RNF4: variants seen among roughly 807,000 people sequenced by gnomAD.
The protein encoded by RNF4 is ring finger protein 4, also known as E3 ubiquitin-protein ligase RNF4.
RNF4 carries 7 observed loss-of-function variants against 24.3 expected under a neutral mutation model. That is an observed-to-expected ratio of 0.29 (90% CI 0.16 to 0.54). The LOEUF is 0.54. Ranked by LOEUF, RNF4 falls within the 20% of genes least tolerant of loss-of-function variation. The pLI, the probability that RNF4 is intolerant of heterozygous loss-of-function variation, is 0.95. For missense variants in RNF4, 209 were observed against 248.5 expected (o/e 0.84, Z 1.07); for synonymous variants, 83 against 84.3 (o/e 0.98, Z 0.09).
chr4:2,473,963 C>T (rs952665673), intron 1 of RNF4, among the ~76,000 whole-genome samples: 1 of 152,156 alleles, frequency 6.6e-6, no homozygotes, highest in African/African-American at 2.4e-5. Flanking sequence ...GCATAGTAAT[C>T]CCGGCCACTC....
At chr4:2,489,225 A>C (rs914788441) in intron 1 of RNF4, among the ~76,000 whole-genome samples, 1 of 152,186 alleles carries the variant, frequency 6.6e-6, no homozygotes, top group Non-Finnish European at 1.5e-5. Context: ...GGAGCCAGGG[A>C]AAGTTGCTGC....
intron 3 of RNF4, among the ~76,000 whole-genome samples, chr4:2,498,604 C>G (rs1204868970): frequency 2.0e-5 from 3 of 152,122 alleles, no homozygotes; most frequent in Non-Finnish European, 4.4e-5. Context: ...ATAAAGAATG[C>G]AATAATTTTA....
intron 1 of RNF4, among the ~76,000 whole-genome samples, chr4:2,471,268 C>G (rs534651520): frequency 1.1e-3 from 160 of 152,280 alleles, no homozygotes; most frequent in African/African-American, 3.5e-3. Context: ...TGCCCAGCCC[C>G]AAACCTTTTC....
intron 4 of RNF4, among the ~76,000 whole-genome samples, chr4:2,508,768 A>G (rs1296096603): frequency 6.6e-6 from 1 of 151,554 alleles, no homozygotes; most frequent in Non-Finnish European, 1.5e-5. Context: ...GAGCCACCAC[A>G]TGCCCGGCTA....
chr4:2,505,486 C>G (rs529343474), intron 4 of RNF4: 1 of 151,406 alleles, frequency 6.6e-6, no homozygotes, highest in Admixed American at 6.6e-5. Context: ...CCACCACACC[C>G]GGCTAATTTT....
intron 1 of RNF4, among the ~76,000 whole-genome samples, chr4:2,487,527 C>CAG (rs1385412390): frequency 1.3e-5 from 2 of 152,240 alleles, no homozygotes; most frequent in African/African-American, 4.8e-5. Flanking sequence ...CTCAAGTGAT[C>CAG]TGCCTGCCTC....
intron 4 of RNF4, 111 bp downstream of exon 4, chr4:2,500,849 AAAG>A: frequency 1.1e-6 from 1 of 932,560 alleles, no homozygotes; most frequent in South Asian, 1.4e-5. Flanking sequence ...AGCTTATGCT[AAAG>A]AAGTTCATGC....
chr4:2,471,310 A>G (rs922143772), intron 1 of RNF4, among the ~76,000 whole-genome samples: 2 of 152,266 alleles, frequency 1.3e-5, no homozygotes, highest in South Asian at 2.1e-4. Flanking sequence ...ACCTGTGATC[A>G]ATGTTTTGGG....
At chr4:2,511,009 C>T (rs1456163383) in intron 4 of RNF4, among the ~76,000 whole-genome samples, 1 of 152,220 alleles carries the variant, frequency 6.6e-6, no homozygotes, top group African/African-American at 2.4e-5. Context: ...TTACTTGTAA[C>T]AACCTACTGA....
chr4:2,503,232 T>C (rs1260086665), intron 4 of RNF4, among the ~76,000 whole-genome samples: 1 of 152,176 alleles, frequency 6.6e-6, no homozygotes, highest in African/African-American at 2.4e-5. Flanking sequence ...CTCTCTGAAC[T>C]TCCCTACCTT....
chr4:2,470,540 A>G (rs1459318190), intron 1 of RNF4, among the ~76,000 whole-genome samples: 1 of 152,180 alleles, frequency 6.6e-6, no homozygotes. Context: ...TTGAATTACT[A>G]CCTTTGTAAG....
chr4:2,472,790 C>G (rs903317254), intron 1 of RNF4, among the ~76,000 whole-genome samples: 4 of 152,010 alleles, frequency 2.6e-5, no homozygotes, highest in Non-Finnish European at 5.9e-5. Context: ...CCGTGTAATC[C>G]CAGCACTTTG....
chr4:2,496,525 A>G (rs1475234614), intron 2 of RNF4, among the ~76,000 whole-genome samples: 3 of 151,976 alleles, frequency 2.0e-5, no homozygotes, highest in Non-Finnish European at 4.4e-5. Flanking sequence ...CAGTGACGCG[A>G]TCTCGCCTCA....
intron 1 of RNF4, among the ~76,000 whole-genome samples, chr4:2,476,112 A>C (rs979956756): frequency 6.6e-6 from 1 of 152,114 alleles, no homozygotes; most frequent in Non-Finnish European, 1.5e-5. Flanking sequence ...ATTTTTCCTA[A>C]GTTTTCTCCT....
Position 2,512,234 on chromosome 4 carries a change from G to C in RNF4, c.215-204G>C. ...AGAAGGCTGGTAGCTCACAGCAGGG[G>C]TTGGGGGGTTTCTCCTGGGAAGATA... On this transcript the variant is annotated intron_variant, in intron 5 of 7. Coordinates refer to ENST00000314289, the MANE Select transcript of RNF4 (RefSeq NM_002938.5). The surrounding 1 kb of genome is among the most constrained non-coding windows in gnomAD (Gnocchi z 4.1). 1.5e-6 allele frequency: 1 copy of C among 683,362 alleles called. No individual in the cohort carries two copies. 42.3% of individuals were successfully genotyped at this position (683,362 alleles called of 1,614,324 possible).
intron 4 of RNF4, among the ~76,000 whole-genome samples, chr4:2,509,709 T>G (rs1335097421): frequency 6.6e-6 from 1 of 152,076 alleles, no homozygotes; most frequent in Non-Finnish European, 1.5e-5. Context: ...AGGCCTCAGT[T>G]TGGTACCATC....
chr4:2,507,505 C>T (rs556463873), intron 4 of RNF4, among the ~76,000 whole-genome samples: 2 of 152,272 alleles, frequency 1.3e-5, no homozygotes, highest in East Asian at 1.9e-4. Context: ...GTGCACAGTG[C>T]TTGGAGATGG....
At chr4:2,482,350 G>C (rs1345376744) in intron 1 of RNF4, among the ~76,000 whole-genome samples, 1 of 152,230 alleles carries the variant, frequency 6.6e-6, no homozygotes, top group Non-Finnish European at 1.5e-5. Flanking sequence ...AGCAGGCTCT[G>C]TGCTCAGTGG....
chr4:2,510,873 A>G (rs925615794), intron 4 of RNF4, among the ~76,000 whole-genome samples: 1 of 152,180 alleles, frequency 6.6e-6, no homozygotes, highest in Admixed American at 6.5e-5. Context: ...TCTAGATGTA[A>G]GTTCTGAGCT....
Sources: gnomAD v4.1 joint callset for allele counts (sites outside exome capture counted in the v4.1 genomes callset) on GRCh38, gnomAD v4.1.1 for gene constraint, Gnocchi (gnomAD v3.1) non-coding constraint, MANE v1.5 for transcripts, NCBI Gene and HGNC (gene_info 2026-07-23, HGNC 2026-07-21) for gene names.